Variants in KCNMB2 observed in about 807,000 individuals in gnomAD.
The protein encoded by KCNMB2 is potassium calcium-activated channel subfamily M regulatory beta subunit 2.
KCNMB2 carries 9 observed loss-of-function variants against 24.5 expected under a neutral mutation model. That is an observed-to-expected ratio of 0.37 (90% CI 0.22 to 0.64). The LOEUF is 0.64. Among genes scored for constraint, KCNMB2 ranks in the 30% least tolerant of loss-of-function variants. The pLI, the probability that KCNMB2 is intolerant of heterozygous loss-of-function variation, is 0.63. For missense variants in KCNMB2, 226 were observed against 284.3 expected (o/e 0.79, Z 1.47); for synonymous variants, 109 against 104.4 (o/e 1.04, Z -0.27).
Position 178,607,607 on chromosome 3 carries a change from C to T in KCNMB2, c.-68+70896C>T, listed in dbSNP as rs114727368. Among the ~76,000 whole-genome samples the T allele has an allele frequency of 2.4e-3, 362 of 151,412 alleles. 1 individual carries two copies. Among genetic ancestry groups the T allele is most frequent in the African/African-American group, 8.5e-3 (350 of 41,002 alleles). ...ATTGTCAATTTAATTAGCATTAGTC[C>T]CTCCAAATTCATTGTGCATGCGTGT... On this transcript the variant is annotated intron_variant, in intron 1 of 4. Transcript: ENST00000452583.
intron 1 of KCNMB2, among the ~76,000 whole-genome samples, chr3:178,699,271 G>T (rs566996814): frequency 6.6e-6 from 1 of 152,368 alleles, no homozygotes; most frequent in South Asian, 2.1e-4. Context: ...GCAGGGCTCT[G>T]GTGAGGGTGG....
chr3:178,671,790 A>G (rs1324072726), intron 1 of KCNMB2, among the ~76,000 whole-genome samples: 2 of 152,172 alleles, frequency 1.3e-5, no homozygotes, highest in Admixed American at 1.3e-4. Flanking sequence ...GTGCTTATAA[A>G]TGAGTATTTA....
intron 1 of KCNMB2, among the ~76,000 whole-genome samples, chr3:178,554,622 C>G (rs960199755): frequency 6.6e-6 from 1 of 151,940 alleles, no homozygotes; most frequent in Non-Finnish European, 1.5e-5. Flanking sequence ...TTCTCAGGCC[C>G]CTTTCAGAAA....
chr3:178,816,992 T>C (rs1476058089), intron 2 of KCNMB2, among the ~76,000 whole-genome samples: 1 of 152,028 alleles, frequency 6.6e-6, no homozygotes, highest in Non-Finnish European at 1.5e-5. Flanking sequence ...TAAATATGAA[T>C]TAAAATATTA....
intron 1 of KCNMB2, among the ~76,000 whole-genome samples, chr3:178,705,923 G>A (rs1296883601): frequency 6.6e-6 from 1 of 152,110 alleles, no homozygotes; most frequent in Non-Finnish European, 1.5e-5. Flanking sequence ...AGACATAGAA[G>A]CGGAGGAAGA....
At chr3:178,573,178 T>A (rs548763297) in intron 1 of KCNMB2, among the ~76,000 whole-genome samples, 1 of 152,002 alleles carries the variant, frequency 6.6e-6, no homozygotes, top group South Asian at 2.1e-4. Context: ...CCAGCAAATT[T>A]TTGTATTTTT....
chr3:178,778,460 A>ACACGCGCG (rs879860042), intron 1 of KCNMB2, among the ~76,000 whole-genome samples: 3 of 48,058 alleles, frequency 6.2e-5, no homozygotes, highest in South Asian at 7.2e-4. Flanking sequence ...TTTAAGACAC[A>ACACGCGCG]CACACACACA....
intron 1 of KCNMB2, among the ~76,000 whole-genome samples, chr3:178,780,361 G>A (rs1712779027): frequency 1.3e-5 from 2 of 152,276 alleles, no homozygotes; most frequent in South Asian, 4.1e-4. Flanking sequence ...AATCCATCCT[G>A]AATGTCTATT....
chr3:178,710,461 C>A (rs775704247), intron 1 of KCNMB2, among the ~76,000 whole-genome samples: 64 of 152,168 alleles, frequency 4.2e-4, no homozygotes, highest in Admixed American at 7.2e-4. Flanking sequence ...TTATTCCAAG[C>A]CTCAGACCTC....
intron 1 of KCNMB2, among the ~76,000 whole-genome samples, chr3:178,563,495 G>T (rs1716398967): frequency 6.6e-6 from 1 of 152,076 alleles, no homozygotes; most frequent in African/African-American, 2.4e-5. Context: ...GTTCTCGAAG[G>T]TAGCTTATAA....
chr3:178,802,980 G>C (rs1266237921), intron 1 of KCNMB2, among the ~76,000 whole-genome samples: 2 of 151,998 alleles, frequency 1.3e-5, no homozygotes, highest in African/African-American at 2.4e-5. Context: ...GTTTAATAAC[G>C]GGGTGAAAAA....
At chr3:178,824,739 A>T (rs1714770865) in intron 2 of KCNMB2, 1 of 152,230 alleles carries the variant, frequency 6.6e-6, no homozygotes, top group South Asian at 2.1e-4. Flanking sequence ...ATTAAAATGC[A>T]TTTAAACATT....
At chr3:178,638,767 T>C (rs1270456706) in intron 1 of KCNMB2, among the ~76,000 whole-genome samples, 2 of 152,172 alleles carry the variant, frequency 1.3e-5, no homozygotes, top group Non-Finnish European at 2.9e-5. Context: ...AGAAAGAACA[T>C]ATCAATTAGA....
chr3:178,787,938 C>G (rs562237053), intron 1 of KCNMB2, among the ~76,000 whole-genome samples: 1 of 152,096 alleles, frequency 6.6e-6, no homozygotes, highest in African/African-American at 2.4e-5. Context: ...AAATTAGTTT[C>G]CTCTTTGGGT....
In KCNMB2 at chr3:178,691,299, T is replaced by A. The variant is rs543537349; in HGVS notation, c.-67-116044T>A. On this transcript the variant is annotated intron_variant, in intron 1 of 4. Transcript: ENST00000452583. ...TTCAGGAGTACATGTGCAGGTTTTTTTTTTTTTTAACATAGATAAACTTGT... is the reference window on the plus strand; with the variant it reads ...TTCAGGAGTACATGTGCAGGTTTTTATTTTTTTTAACATAGATAAACTTGT... 1.6e-3 allele frequency among the ~76,000 whole-genome samples: 248 copies of A among 151,290 alleles called. 2 individuals are homozygous for A. Among genetic ancestry groups the A allele is most frequent in the African/African-American group, 5.8e-3 (237 of 41,214 alleles).
At chr3:178,712,020 G>A (rs140130776) in intron 1 of KCNMB2, among the ~76,000 whole-genome samples, 40 of 152,244 alleles carry the variant, frequency 2.6e-4, no homozygotes, top group South Asian at 6.2e-4. Context: ...AAATTTTGCC[G>A]TTGTCACTGT....
At chr3:178,625,502 G>T (rs1328232884) in intron 1 of KCNMB2, among the ~76,000 whole-genome samples, 1 of 152,256 alleles carries the variant, frequency 6.6e-6, no homozygotes, top group Non-Finnish European at 1.5e-5. Flanking sequence ...TGGGCCAGGT[G>T]AGGGGAGAAG....
At chr3:178,726,942 T>C (rs1412629103) in intron 1 of KCNMB2, among the ~76,000 whole-genome samples, 2 of 152,008 alleles carry the variant, frequency 1.3e-5, no homozygotes, top group African/African-American at 4.8e-5. Context: ...TTTTCCATTC[T>C]GTTGCGATCA....
intron 3 of KCNMB2, 24 bp from the exon 4 acceptor site, chr3:178,828,154 T>G: frequency 6.3e-7 from 1 of 1,588,652 alleles, no homozygotes; most frequent in Non-Finnish European, 8.6e-7. Flanking sequence ...GGGCCTGTGT[T>G]TACTCTCACC....
Sources: gnomAD v4.1 joint callset for allele counts (sites outside exome capture counted in the v4.1 genomes callset) on GRCh38, gnomAD v4.1.1 for gene constraint, MANE v1.5 for transcripts, NCBI Gene and HGNC (gene_info 2026-07-23, HGNC 2026-07-21) for gene names.